The following MYCBP2 variants were observed in gnomAD, a reference collection of about 807,000 sequenced individuals.
MYCBP2 encodes E3 ubiquitin-protein ligase MYCBP2.
Under a neutral mutation model 525.3 loss-of-function variants are expected in MYCBP2, and 120 were observed. That is an observed-to-expected ratio of 0.23 (90% CI 0.20 to 0.27). The LOEUF (loss-of-function observed/expected upper bound fraction) is 0.27, where lower values mean the gene tolerates loss of function less well. Ranked by LOEUF, MYCBP2 falls within the 10% of genes least tolerant of loss-of-function variation. The pLI is 1.00. For synonymous variants in MYCBP2, 1,894 were observed against 1,955.8 expected (o/e 0.97, Z 0.83); for missense variants, 4,149 against 5,657.1 (o/e 0.73, Z 8.55).
intron 3 of MYCBP2, 114 bp from the exon 4 acceptor site, chr13:77,279,025 T>C: frequency 1.7e-6 from 1 of 599,206 alleles, no homozygotes; most frequent in Admixed American, 4.1e-5. Flanking sequence ...ATATGTATAA[T>C]GGAGCCATAA....
chr13:77,055,464 G>C (rs1338721491), intron 80 of MYCBP2, 94 bp downstream of exon 80: 6 of 1,010,012 alleles, frequency 5.9e-6, no homozygotes, highest in Admixed American at 5.1e-5. Context: ...TCAGGCTTAA[G>C]ATGGAATAAT....
At chr13:77,233,877 CGA>C (rs71102725) in intron 17 of MYCBP2, among the ~76,000 whole-genome samples, 66 of 145,252 alleles carry the variant, frequency 4.5e-4, no homozygotes, top group Admixed American at 6.2e-4. Flanking sequence ...AGAGAGAGAA[CGA>C]GAGAGAGAGA....
At chr13:77,246,406 T>A (rs150502237) in intron 15 of MYCBP2, among the ~76,000 whole-genome samples, 2 of 151,894 alleles carry the variant, frequency 1.3e-5, no homozygotes, top group East Asian at 3.9e-4. Flanking sequence ...CAAGAATTCA[T>A]TCTTTGAGGT....
chr13:77,131,640 A>G (rs1376005293), intron 52 of MYCBP2, among the ~76,000 whole-genome samples: 1 of 152,208 alleles, frequency 6.6e-6, no homozygotes, highest in Non-Finnish European at 1.5e-5. Context: ...TCTCACTATT[A>G]AAATATGTTA....
intron 52 of MYCBP2, among the ~76,000 whole-genome samples, chr13:77,127,053 T>C (rs2051797963): frequency 6.6e-6 from 1 of 151,976 alleles, no homozygotes. Context: ...TGATGAAAAA[T>C]ATGCATTAAA....
intron 14 of MYCBP2, among the ~76,000 whole-genome samples, chr13:77,255,465 G>A (rs535662560): frequency 2.0e-5 from 3 of 151,446 alleles, no homozygotes; most frequent in Admixed American, 6.6e-5. Context: ...ATTTTCACAA[G>A]AGTTTCAGAA....
intron 41 of MYCBP2, 44 bp downstream of exon 41, chr13:77,166,285 T>C (rs747692117): frequency 7.5e-7 from 1 of 1,336,122 alleles, no homozygotes; most frequent in African/African-American, 1.5e-5. Context: ...TATACATAAA[T>C]GCACTTATTT....
intron 26 of MYCBP2, among the ~76,000 whole-genome samples, chr13:77,196,400 AG>A (rs1243624742): frequency 6.6e-6 from 1 of 152,150 alleles, no homozygotes; most frequent in Admixed American, 6.5e-5. Context: ...ACATTTTAAG[AG>A]AATCACTGCC....
intron 32 of MYCBP2, among the ~76,000 whole-genome samples, chr13:77,183,411 G>A (rs1313105487): frequency 6.6e-6 from 1 of 151,812 alleles, no homozygotes; most frequent in South Asian, 2.1e-4. Context: ...TGGATATGAG[G>A]CAATTCAGAT....
intron 80 of MYCBP2, among the ~76,000 whole-genome samples, chr13:77,053,479 T>C (rs2037255080): frequency 6.6e-6 from 1 of 152,220 alleles, no homozygotes; most frequent in Non-Finnish European, 1.5e-5. Context: ...GATCCATTGA[T>C]GCAGAGGTTA....
chr13:77,259,221 T>C lies in MYCBP2; in HGVS notation c.2017+1207A>G, dbSNP rs2072794982. The stretch of plus-strand genomic sequence containing the variant: ...CAGAGGTTGCAGTAAGCTGAGATTG[T>C]GCCACTGCACTCCAGCCTGGGAGAC... On this transcript the variant is annotated intron_variant, in intron 13 of 82. Coordinates refer to ENST00000544440, the MANE Select transcript of MYCBP2 (RefSeq NM_015057.5). Among the ~76,000 whole-genome samples the C allele has an allele frequency of 2.0e-5, 3 of 151,914 alleles. No individual in the cohort carries two copies. In the South Asian group the frequency reaches 6.2e-4, roughly 31 times the overall value.
At chr13:77,238,702 G>A (rs978666144) in intron 17 of MYCBP2, among the ~76,000 whole-genome samples, 7 of 152,178 alleles carry the variant, frequency 4.6e-5, no homozygotes, top group Admixed American at 4.6e-4. Flanking sequence ...AGTTCCAAAT[G>A]TATGAAGAAG....
At chr13:77,059,483 A>T (rs2038874791) in intron 77 of MYCBP2, 40 bp downstream of exon 77, 4 of 1,436,536 alleles carry the variant, frequency 2.8e-6, no homozygotes, top group Non-Finnish European at 3.9e-6. Flanking sequence ...GTCACAGGGG[A>T]ACATGGACAA....
At chr13:77,140,983 AAG>A in intron 49 of MYCBP2, 40 bp from the exon 50 acceptor site, 1 of 1,392,092 alleles carries the variant, frequency 7.2e-7, no homozygotes, top group Non-Finnish European at 1.0e-6. Context: ...TTGAGAAAAA[AAG>A]AGAAGGAAGA....
rs200348251 is a variant in MYCBP2, at chr13:77,103,660, G to GT, written c.8141-4648dup. On this transcript the variant is annotated intron_variant, in intron 55 of 82. Coordinates refer to ENST00000544440, the MANE Select transcript of MYCBP2 (RefSeq NM_015057.5). ...TGTTCATTTAAATAAAGATTTACAAGTTTTTTTTTAATAGTGGAAGATAAA... is the reference window on the plus strand; with the variant it reads ...TGTTCATTTAAATAAAGATTTACAAGTTTTTTTTTTAATAGTGGAAGATAAA... Among the ~76,000 whole-genome samples the GT allele has an allele frequency of 5.2e-3, 788 of 151,230 alleles. 7 individuals are homozygous for GT. Among genetic ancestry groups the GT allele is most frequent in the Middle Eastern group, 0.017 (5 of 294 alleles).
chr13:77,130,487 A>G (rs2052569528), intron 52 of MYCBP2, among the ~76,000 whole-genome samples: 1 of 151,998 alleles, frequency 6.6e-6, no homozygotes, highest in Non-Finnish European at 1.5e-5. Context: ...ATACTAATTC[A>G]TAAATATAAG....
At chr13:77,158,147 A>C (rs1294150075) in intron 44 of MYCBP2, 38 bp from the exon 45 acceptor site, 1 of 1,355,256 alleles carries the variant, frequency 7.4e-7, no homozygotes, top group East Asian at 2.8e-5. Flanking sequence ...ATTCTTAAAA[A>C]TAAAACTTTA....
At chr13:77,141,098 C>G (rs989154387) in intron 49 of MYCBP2, among the ~76,000 whole-genome samples, 155 bp from the exon 50 acceptor site, 4 of 151,968 alleles carry the variant, frequency 2.6e-5, no homozygotes, top group Non-Finnish European at 5.9e-5. Flanking sequence ...ATAGGCTAAA[C>G]AAGAGAAATA....
chr13:77,056,926 A>G, intron 79 of MYCBP2, 60 bp downstream of exon 79: 1 of 1,304,870 alleles, frequency 7.7e-7, no homozygotes, highest in Non-Finnish European at 1.1e-6. Flanking sequence ...GTTTATTTTG[A>G]AAGGTGAAAA....
Sources: gnomAD v4.1 joint callset for allele counts (sites outside exome capture counted in the v4.1 genomes callset) on GRCh38, gnomAD v4.1.1 for gene constraint, MANE v1.5 for transcripts, NCBI Gene and HGNC (gene_info 2026-07-23, HGNC 2026-07-21) for gene names.